GUCY1A2: variants seen among roughly 807,000 people sequenced by gnomAD.
The protein encoded by GUCY1A2 is guanylate cyclase soluble subunit alpha-2.
In GUCY1A2, 27 loss-of-function variants were observed where a neutral mutation model predicts 63.5. The observed-to-expected ratio is 0.43, with a 90% CI of 0.31 to 0.59. The LOEUF (loss-of-function observed/expected upper bound fraction) is 0.59. Among genes scored for constraint, GUCY1A2 ranks in the 20% least tolerant of loss-of-function variants. The probability of loss-of-function intolerance (pLI) is 0.11; values close to 1 mark genes in which losing one functional copy is unlikely to be tolerated. For missense variants in GUCY1A2, 768 were observed against 913.3 expected (o/e 0.84, Z 2.05); for synonymous variants, 364 against 343.5 (o/e 1.06, Z -0.66).
At chr11:106,774,902 CA>C (rs1361453910) in intron 6 of GUCY1A2, among the ~76,000 whole-genome samples, 2 of 152,048 alleles carry the variant, frequency 1.3e-5, no homozygotes, top group Non-Finnish European at 2.9e-5. Context: ...GATTCTTTCC[CA>C]AGTCTTGTCC....
chr11:106,807,232 C>G (rs1043778009), intron 5 of GUCY1A2, among the ~76,000 whole-genome samples: 1 of 152,030 alleles, frequency 6.6e-6, no homozygotes, highest in African/African-American at 2.4e-5. Context: ...AAAATTCTAC[C>G]ACCTCTGGGA....
chr11:106,798,564 C>G (rs943551192), intron 5 of GUCY1A2, among the ~76,000 whole-genome samples: 1 of 152,152 alleles, frequency 6.6e-6, no homozygotes, highest in Non-Finnish European at 1.5e-5. Flanking sequence ...AGCTTATCCA[C>G]CATGATCAAG....
At chr11:106,828,669 C>T (rs1339056596) in intron 4 of GUCY1A2, among the ~76,000 whole-genome samples, 1 of 152,170 alleles carries the variant, frequency 6.6e-6, no homozygotes, top group Non-Finnish European at 1.5e-5. Context: ...AGACAACTTG[C>T]ATGACATCAC....
At chr11:106,914,000 AAAAG>A (rs1208457008) in intron 4 of GUCY1A2, among the ~76,000 whole-genome samples, 89 of 148,086 alleles carry the variant, frequency 6.0e-4, no homozygotes, top group Middle Eastern at 6.8e-3. Context: ...AAAAAAAAAA[AAAAG>A]AAAGAAAGAA....
chr11:106,853,482 C>T (rs1859383764), intron 4 of GUCY1A2, among the ~76,000 whole-genome samples: 2 of 151,920 alleles, frequency 1.3e-5, no homozygotes, highest in South Asian at 2.1e-4. Flanking sequence ...TTGAATTCTT[C>T]AGTTCTACAA....
chr11:106,791,490 T>C (rs1864659512), intron 5 of GUCY1A2, among the ~76,000 whole-genome samples: 2 of 152,110 alleles, frequency 1.3e-5, no homozygotes, highest in African/African-American at 2.4e-5. Context: ...TGTGTGTGTG[T>C]GTGTGCATGT....
At chr11:106,856,920 T>A (rs1047279654) in intron 4 of GUCY1A2, among the ~76,000 whole-genome samples, 9 of 152,246 alleles carry the variant, frequency 5.9e-5, no homozygotes, top group Non-Finnish European at 1.2e-4. Flanking sequence ...CAGTTTATAC[T>A]AGTCCCCATA....
chr11:107,007,245 T>A (rs997527391), intron 1 of GUCY1A2, among the ~76,000 whole-genome samples: 1 of 152,208 alleles, frequency 6.6e-6, no homozygotes, highest in Admixed American at 6.5e-5. Context: ...TCTCAAAGAC[T>A]AACTAGTTAC....
At chr11:106,759,808 G>A (rs1056605184) in intron 6 of GUCY1A2, among the ~76,000 whole-genome samples, 9 of 152,308 alleles carry the variant, frequency 5.9e-5, no homozygotes, top group South Asian at 2.1e-4. Context: ...TGGGGCAGGC[G>A]TCTGTAATCC....
intron 6 of GUCY1A2, among the ~76,000 whole-genome samples, chr11:106,712,755 G>A (rs1322513658): frequency 6.6e-6 from 1 of 152,162 alleles, no homozygotes; most frequent in Non-Finnish European, 1.5e-5. Context: ...CAAGAACCTT[G>A]AGTACTCTCT....
At chr11:106,790,337 T>C (rs563933125) in intron 5 of GUCY1A2, among the ~76,000 whole-genome samples, 12 of 152,256 alleles carry the variant, frequency 7.9e-5, no homozygotes, top group African/African-American at 2.6e-4. Flanking sequence ...CCAAGGGCTC[T>C]TCAGTCCACT....
At chr11:106,803,563 A>G (rs1310210044) in intron 5 of GUCY1A2, among the ~76,000 whole-genome samples, 1 of 152,126 alleles carries the variant, frequency 6.6e-6, no homozygotes, top group Non-Finnish European at 1.5e-5. Context: ...CGCGCTTCCC[A>G]TATAGGACCA....
At chr11:106,706,627 A>ACACAGGTCG (rs1459263211) in intron 7 of GUCY1A2, among the ~76,000 whole-genome samples, 1 of 149,858 alleles carries the variant, frequency 6.7e-6, no homozygotes, top group Non-Finnish European at 1.5e-5. Context: ...TGAACTCCTC[A>ACACAGGTCG]CACAGGTTGG....
At chr11:106,725,391 C>T in intron 6 of GUCY1A2, among the ~76,000 whole-genome samples, 2 of 47,272 alleles carry the variant, frequency 4.2e-5, no homozygotes, top group Non-Finnish European at 1.0e-4. Flanking sequence ...CCGGGATGGT[C>T]TCGATCTCCT....
chr11:106,991,544 A>T (rs1861470295), intron 1 of GUCY1A2, among the ~76,000 whole-genome samples: 1 of 152,162 alleles, frequency 6.6e-6, no homozygotes, highest in Non-Finnish European at 1.5e-5. Context: ...CTTTCACTTA[A>T]GATATAAATA....
At chr11:106,955,595 G>A (rs143419669) in intron 3 of GUCY1A2, among the ~76,000 whole-genome samples, 4 of 152,146 alleles carry the variant, frequency 2.6e-5, no homozygotes, top group African/African-American at 9.6e-5. Flanking sequence ...ATTCTGGGTT[G>A]AAAATTATTT....
chr11:106,750,550 G>T (rs1314354912), intron 6 of GUCY1A2, among the ~76,000 whole-genome samples: 2 of 151,998 alleles, frequency 1.3e-5, no homozygotes, highest in African/African-American at 4.8e-5. Flanking sequence ...ATGCAGTAAA[G>T]TCCTTGCTGC....
chr11:106,710,179 T>TTA (rs1204668872), intron 6 of GUCY1A2, among the ~76,000 whole-genome samples: 378 of 21,024 alleles, frequency 0.018, 13 homozygotes, highest in South Asian at 0.024. Flanking sequence ...TATAATATAG[T>TTA]TATATATATA....
intron 4 of GUCY1A2, among the ~76,000 whole-genome samples, chr11:106,819,061 G>A (rs1007567585): frequency 1.6e-4 from 25 of 152,164 alleles, no homozygotes; most frequent in Admixed American, 5.9e-4. Context: ...TTCAGTTGAG[G>A]GTATCACTGC....
Sources: allele counts gnomAD v4.1 joint callset (sites outside exome capture counted in the v4.1 genomes callset), GRCh38; gene constraint gnomAD v4.1.1; transcripts MANE v1.5; gene names NCBI Gene and HGNC (gene_info 2026-07-23, HGNC 2026-07-21).